The following YAP1 variants were observed in gnomAD, a reference collection of about 807,000 sequenced individuals.
YAP1 encodes transcriptional coactivator YAP1.
A neutral mutation model predicts 56.9 loss-of-function variants in YAP1; 5 were observed. The ratio of observed to expected loss-of-function variants is 0.09; its 90% CI spans 0.05 to 0.18. The LOEUF (loss-of-function observed/expected upper bound fraction) is 0.18. Among genes scored for constraint, YAP1 ranks in the 10% least tolerant of loss-of-function variants. The pLI, the probability that YAP1 is intolerant of heterozygous loss-of-function variation, is 1.00. For synonymous variants in YAP1, 265 were observed against 248.1 expected (o/e 1.07, Z -0.64); for missense variants, 539 against 651.8 (o/e 0.83, Z 1.88).
At chr11:102,148,413 CA>C (rs1945443331) in intron 2 of YAP1, among the ~76,000 whole-genome samples, 1 of 151,996 alleles carries the variant, frequency 6.6e-6, no homozygotes, top group Non-Finnish European at 1.5e-5. Flanking sequence ...GTGTGATAGA[CA>C]AGAACTGAAA....
chr11:102,197,940 A>G (rs1948654607), intron 4 of YAP1, among the ~76,000 whole-genome samples: 1 of 152,106 alleles, frequency 6.6e-6, no homozygotes, highest in African/African-American at 2.4e-5. Context: ...TGCTTTGTTG[A>G]AAGACTTAAG....
At chr11:102,205,454 C>T (rs1445089450) in intron 4 of YAP1, among the ~76,000 whole-genome samples, 1 of 152,114 alleles carries the variant, frequency 6.6e-6, no homozygotes, top group African/African-American at 2.4e-5. Context: ...ATAAGGTTCT[C>T]CACCTTTGTC....
chr11:102,157,843 T>C lies in YAP1; in HGVS notation c.573-4613T>C, dbSNP rs138312989. On this transcript the variant is annotated intron_variant, in intron 2 of 8. Transcript: ENST00000282441. The stretch of plus-strand genomic sequence containing the variant: ...GTCACTATCATCAAAAGTGCATGTT[T>C]GGGTTTTTTTCTCTTTTCCCCTTAC... 1.2e-4 allele frequency among the ~76,000 whole-genome samples: 18 copies of C among 152,328 alleles called. 1 individual carries two copies. The East Asian group carries it at 3.3e-3, about 28-fold the overall frequency.
intron 2 of YAP1, among the ~76,000 whole-genome samples, chr11:102,148,229 G>A (rs894712588): frequency 6.6e-6 from 1 of 152,154 alleles, no homozygotes. Context: ...AGAGATTGCA[G>A]CTTTGATCTC....
At chr11:102,201,617 G>A (rs1004008525) in intron 4 of YAP1, among the ~76,000 whole-genome samples, 1 of 152,070 alleles carries the variant, frequency 6.6e-6, no homozygotes, top group Non-Finnish European at 1.5e-5. Context: ...TCATTTTAGT[G>A]ATCATAATGT....
intron 4 of YAP1, among the ~76,000 whole-genome samples, chr11:102,189,059 G>A (rs2135522984): frequency 6.6e-6 from 1 of 152,116 alleles, no homozygotes; most frequent in Non-Finnish European, 1.5e-5. Context: ...AAGAAAAATA[G>A]GGCTTTTTTT....
chr11:102,141,921 G>A (rs980185080), intron 2 of YAP1, among the ~76,000 whole-genome samples: 1 of 152,154 alleles, frequency 6.6e-6, no homozygotes, highest in Admixed American at 6.5e-5. Flanking sequence ...TGTAAAATTC[G>A]GGGATTGGAA....
intron 4 of YAP1, among the ~76,000 whole-genome samples, chr11:102,194,338 C>CTGTTT (rs1023122423): frequency 1.3e-5 from 2 of 152,134 alleles, no homozygotes; most frequent in African/African-American, 2.4e-5. Flanking sequence ...GGTTCAGATT[C>CTGTTT]TGTTTTGTTT....
At chr11:102,212,081 A>G (rs1176583102) in intron 6 of YAP1, among the ~76,000 whole-genome samples, 1 of 152,226 alleles carries the variant, frequency 6.6e-6, no homozygotes, top group Non-Finnish European at 1.5e-5. Flanking sequence ...AGGACTTTTC[A>G]GCCCCAAAGA....
chr11:102,160,448 A>G (rs1024751292), intron 2 of YAP1, among the ~76,000 whole-genome samples: 11 of 152,212 alleles, frequency 7.2e-5, no homozygotes, highest in Non-Finnish European at 1.6e-4. Context: ...ATTGTGTATT[A>G]TGTATATTAC....
At chr11:102,170,204 ATGT>A (rs1192905158) in intron 3 of YAP1, among the ~76,000 whole-genome samples, 4 of 152,134 alleles carry the variant, frequency 2.6e-5, no homozygotes, top group African/African-American at 9.7e-5. Flanking sequence ...AATCACTCTG[ATGT>A]TGTTTAATTC....
At chr11:102,135,529 C>G (rs1944627659) in intron 2 of YAP1, among the ~76,000 whole-genome samples, 1 of 152,180 alleles carries the variant, frequency 6.6e-6, no homozygotes, top group African/African-American at 2.4e-5. Flanking sequence ...CATGGCCTTT[C>G]TAGCATTGCG....
At chr11:102,139,198 A>G (rs1006193711) in intron 2 of YAP1, among the ~76,000 whole-genome samples, 1 of 151,304 alleles carries the variant, frequency 6.6e-6, no homozygotes, top group Admixed American at 6.6e-5. Flanking sequence ...TAACATGATT[A>G]GCAGGATATT....
chr11:102,216,271 A>T (rs1949661232), intron 6 of YAP1, among the ~76,000 whole-genome samples: 1 of 152,232 alleles, frequency 6.6e-6, no homozygotes, highest in African/African-American at 2.4e-5. Flanking sequence ...AAGTTACCAT[A>T]GGAAACTAAG....
Position 102,141,086 on chromosome 11 carries a change from T to C in YAP1, c.573-21370T>C, listed in dbSNP as rs117713507. Among the ~76,000 whole-genome samples, 754 of 152,310 alleles carry C rather than the reference T, an allele frequency of 5.0e-3. 1 individual carries two copies. Among genetic ancestry groups the C allele is most frequent in the Non-Finnish European group, 7.8e-3 (529 of 68,024 alleles). On this transcript the variant is annotated intron_variant, in intron 2 of 8. Coordinates refer to ENST00000282441, the MANE Select transcript of YAP1 (RefSeq NM_001130145.3). ...TTTCCGGAACGATTTAAATGAAATA[T>C]ACATTCCCTTAAGATTCAGCTCAGG...
At chr11:102,150,769 A>AAT (rs1273000173) in intron 2 of YAP1, among the ~76,000 whole-genome samples, 1 of 147,950 alleles carries the variant, frequency 6.8e-6, no homozygotes, top group Non-Finnish European at 1.5e-5. Context: ...TACACATGCA[A>AAT]ATCTTTTTTC....
chr11:102,193,063 C>T (rs1444790288), intron 4 of YAP1, among the ~76,000 whole-genome samples: 2 of 152,162 alleles, frequency 1.3e-5, no homozygotes, highest in African/African-American at 2.4e-5. Flanking sequence ...CTTGTTGGTA[C>T]ACTTTGTTTC....
intron 2 of YAP1, among the ~76,000 whole-genome samples, chr11:102,119,346 T>C (rs1943507598): frequency 6.6e-6 from 1 of 152,110 alleles, no homozygotes; most frequent in African/African-American, 2.4e-5. Flanking sequence ...ATTTTTTTAG[T>C]GTGAACTAAG....
chr11:102,219,190 G>T (rs1214570095), intron 6 of YAP1, among the ~76,000 whole-genome samples: 1 of 152,116 alleles, frequency 6.6e-6, no homozygotes, highest in African/African-American at 2.4e-5. Context: ...CTTTTCTGGA[G>T]TCTATAATTT....
Sources: allele counts gnomAD v4.1 joint callset (sites outside exome capture counted in the v4.1 genomes callset), GRCh38; gene constraint gnomAD v4.1.1; transcripts MANE v1.5; gene names NCBI Gene and HGNC (gene_info 2026-07-23, HGNC 2026-07-21).